The following SYNE1 variants were observed in gnomAD, a reference collection of about 807,000 sequenced individuals.
The protein encoded by SYNE1 is spectrin repeat containing nuclear envelope protein 1, also known as nesprin-1.
Under a neutral mutation model 1,111.0 loss-of-function variants are expected in SYNE1, and 616 were observed. The observed-to-expected ratio is 0.55, with a 90% CI of 0.52 to 0.59. The LOEUF (loss-of-function observed/expected upper bound fraction) is 0.59. Ranked by LOEUF, SYNE1 falls within the 20% of genes least tolerant of loss-of-function variation. SYNE1 has a pLI of 0.00. For synonymous variants in SYNE1, 3,855 were observed against 3,825.8 expected (o/e 1.01, Z -0.28); for missense variants, 10,006 against 10,417.0 (o/e 0.96, Z 1.72).
Position 152,596,933 on chromosome 6 carries a change from C to G in SYNE1, c.67+31332G>C, listed in dbSNP as rs372611867. ...AAGGCACAAGCAAAAACTGCTCATC[C>G]TCTGTGCCAGGAACATGAGGGCCTC... On this transcript the variant is annotated intron_variant, in intron 3 of 145. Coordinates refer to ENST00000367255, the MANE Select transcript of SYNE1 (RefSeq NM_182961.4). Among the ~76,000 whole-genome samples, 17 of 152,298 alleles carry G rather than the reference C, an allele frequency of 1.1e-4. 2 individuals carry two copies. Among genetic ancestry groups the G allele is most frequent in the Admixed American group, 1.0e-3 (16 of 15,298 alleles).
At position 152,236,896 on chromosome 6, in the gene SYNE1, A is replaced by C. The variant is rs2084224645; in HGVS notation, c.20120T>G (p.Val6707Gly). Residue 6707 changes from valine to glycine, a missense_variant, in exon 109 of 146, where the codon GTG (valine) becomes GGG (glycine). Transcript: ENST00000367255. ...CACGCTTGGGATGCTGCTTTCCACC[A>C]CCTCCAGCTGTCTGCTGAGCTCCTG... is the stretch of plus-strand genomic sequence containing the variant. ...DQQELSRQLEVVESSIPSVGL... is the reference protein window; with the variant it reads ...DQQELSRQLEGVESSIPSVGL... The C allele has an allele frequency of 6.2e-7, 1 of 1,613,614 alleles. No homozygotes were observed. The highest frequency in any genetic ancestry group is 8.5e-7 in the Non-Finnish European group (1 of 1,179,952).
intron 140 of SYNE1, among the ~76,000 whole-genome samples, chr6:152,137,881 G>C (rs1470948709): frequency 6.6e-6 from 1 of 152,154 alleles, no homozygotes; most frequent in Non-Finnish European, 1.5e-5. Flanking sequence ...GAAGCATCAG[G>C]AGAAAGTACA....
chr6:152,331,055 C>T lies in SYNE1; in HGVS notation c.13630G>A (p.Asp4544Asn). The T allele has an allele frequency of 6.2e-7, 1 of 1,614,140 alleles. No homozygotes were observed. Among genetic ancestry groups the T allele is most frequent in the Non-Finnish European group, 8.5e-7 (1 of 1,180,024 alleles). ...TGACTGCACTTTTGTAAAACACTGT[C>T]ATAGACACTCTGCAATTCCTGAAGC... ...GKLQELQSVYDSVLQKCSHRL... is the reference protein window; with the variant it reads ...GKLQELQSVYNSVLQKCSHRL... Residue 4544 changes from aspartate to asparagine, a missense_variant, in exon 78 of 146, where the codon GAC (aspartate) becomes AAC (asparagine). Transcript: ENST00000367255.
chr6:152,510,293 A>C lies in SYNE1; in HGVS notation c.481T>G (p.Ser161Ala). The C allele has an allele frequency of 6.2e-7, 1 of 1,614,132 alleles. No homozygotes were observed. Among genetic ancestry groups the C allele is most frequent in the East Asian group, 2.2e-5 (1 of 44,872 alleles). The part of the protein sequence containing the change: ...SASSVDSIVS[S>A]ETPSPPSKRK... The stretch of plus-strand genomic sequence containing the variant: ...TTACTTGGTGGGCTGGGAGTCTCAG[A>C]GCTAACTATGCTGTCCACGGAGGAT... Residue 161 changes from serine to alanine, a missense_variant, in exon 8 of 146, where the codon TCT (serine) becomes GCT (alanine). Coordinates refer to ENST00000367255, the MANE Select transcript of SYNE1 (RefSeq NM_182961.4).
At chr6:152,345,564 C>A (rs1227995481) in intron 73 of SYNE1, among the ~76,000 whole-genome samples, 1 of 122,564 alleles carries the variant, frequency 8.2e-6, no homozygotes, top group Non-Finnish European at 1.8e-5. Context: ...TTTTTGTTAA[C>A]CTTTGAAGGT....
chr6:152,519,077 T>A (rs559579346), intron 6 of SYNE1, among the ~76,000 whole-genome samples: 1 of 152,134 alleles, frequency 6.6e-6, no homozygotes, highest in East Asian at 1.9e-4. Context: ...ACATGGCACA[T>A]GTATACATAT....
intron 61 of SYNE1, chr6:152,368,214 T>C (rs1014131511): frequency 6.6e-6 from 1 of 152,426 alleles, no homozygotes; most frequent in Non-Finnish European, 1.5e-5. Context: ...CCCTATATTC[T>C]AACACCTGAA....
At chr6:152,162,870 A>G (rs1007065617) in intron 131 of SYNE1, among the ~76,000 whole-genome samples, 2 of 152,216 alleles carry the variant, frequency 1.3e-5, no homozygotes, top group African/African-American at 2.4e-5. Flanking sequence ...TACAATTACT[A>G]TATATTCATT....
intron 72 of SYNE1, among the ~76,000 whole-genome samples, chr6:152,347,709 G>T: frequency 1.4e-5 from 2 of 143,056 alleles, no homozygotes. Context: ...AAGACAGAGT[G>T]TCACTCTGCT....
At chr6:152,363,190 T>C (rs2096966331) in intron 63 of SYNE1, among the ~76,000 whole-genome samples, 1 of 143,742 alleles carries the variant, frequency 7.0e-6, no homozygotes, top group South Asian at 2.4e-4. Context: ...CTACACATGC[T>C]ATATTTTAAA....
intron 113 of SYNE1, 92 bp downstream of exon 113, chr6:152,232,024 C>T: frequency 1.0e-6 from 1 of 988,636 alleles, no homozygotes. Flanking sequence ...ACATACATTC[C>T]AAGACTTGAT....
intron 133 of SYNE1, among the ~76,000 whole-genome samples, chr6:152,154,500 G>T (rs1424654198): frequency 6.8e-6 from 1 of 146,626 alleles, no homozygotes; most frequent in East Asian, 2.0e-4. Context: ...ATTAGGTAAA[G>T]AAAATACAAA....
chr6:152,472,576 A>T (rs1332534323), intron 14 of SYNE1, 163 bp from the exon 15 acceptor site: 4 of 718,480 alleles, frequency 5.6e-6, no homozygotes, highest in Non-Finnish European at 1.0e-5. Flanking sequence ...CTTACCTTGA[A>T]TAGGAGCTGG....
In SYNE1 at chr6:152,140,008, T is replaced by G; in HGVS notation, c.25400A>C (p.Gln8467Pro). The G allele has an allele frequency of 6.2e-7, 1 of 1,614,186 alleles. No homozygotes were observed. Among genetic ancestry groups the G allele is most frequent in the Non-Finnish European group, 8.5e-7 (1 of 1,180,032 alleles). The change falls in exon 140 of 146, where the codon CAG (glutamine) becomes CCG (proline). Residue 8467 changes from glutamine (Q) to proline (P), a missense_variant. Around this residue, in one of 7 missense-constraint regions of SYNE1, gnomAD observed 761 missense variants for 795.5 expected, o/e 0.96. Coordinates refer to ENST00000367255, the MANE Select transcript of SYNE1 (RefSeq NM_182961.4). ...GATGTCAGTGCTGAGTTCCAGACGCTGGAGCTGTTCCAACTCCTCCTCCGT... is the reference window on the plus strand; with the variant it reads ...GATGTCAGTGCTGAGTTCCAGACGCGGGAGCTGTTCCAACTCCTCCTCCGT... The part of the protein sequence containing the change: ...GDTEEELEQL[Q>P]RLELSTDIQT...
intron 11 of SYNE1, among the ~76,000 whole-genome samples, chr6:152,495,216 CTT>C (rs1302928872): frequency 2.6e-5 from 4 of 152,144 alleles, no homozygotes; most frequent in Non-Finnish European, 5.9e-5. Flanking sequence ...GGCAGATTGA[CTT>C]TACCCACATG....
intron 42 of SYNE1, among the ~76,000 whole-genome samples, chr6:152,410,673 G>C: frequency 6.6e-6 from 1 of 152,184 alleles, no homozygotes; most frequent in Admixed American, 6.5e-5. Context: ...AGAGGTTGCA[G>C]TGAGCCAAGA....
At chr6:152,327,936 G>A (rs1053809351) in intron 78 of SYNE1, among the ~76,000 whole-genome samples, 7 of 148,012 alleles carry the variant, frequency 4.7e-5, no homozygotes, top group African/African-American at 1.8e-4. Context: ...AAGTGTACTA[G>A]TTTTTAGTTT....
chr6:152,141,291 G>A lies in SYNE1; in HGVS notation c.25158C>T (p.Ser8386=), dbSNP rs901082310. 3 of 1,614,076 alleles carry A rather than the reference G, an allele frequency of 1.9e-6. No homozygotes were observed. The highest frequency in any genetic ancestry group is 2.2e-5 in the East Asian group (1 of 44,878). The part of the protein sequence containing the change: ...LLGECSSSID[S]VKRLEHKLKE... The stretch of plus-strand genomic sequence containing the variant: ...TCAGTTTGTGCTCCAGTCTCTTCAC[G>A]GAGTCTATACTGCTACTGCATTCGC... Residue 8386 remains serine, a synonymous_variant, in exon 139 of 146, where the codon TCC becomes TCT. Transcript: ENST00000367255.
intron 130 of SYNE1, among the ~76,000 whole-genome samples, chr6:152,171,714 T>C (rs956954154): frequency 2.0e-5 from 3 of 152,192 alleles, no homozygotes; most frequent in Admixed American, 6.5e-5. Flanking sequence ...ACTTATTTGG[T>C]TAGGGACCAT....
Sources: allele counts gnomAD v4.1 joint callset (sites outside exome capture counted in the v4.1 genomes callset), GRCh38; gene constraint gnomAD v4.1.1; regional missense constraint gnomAD v4.1.1; transcripts MANE v1.5; gene names NCBI Gene and HGNC (gene_info 2026-07-23, HGNC 2026-07-21).